COL22A1: variants seen among roughly 807,000 people sequenced by gnomAD.
The protein encoded by COL22A1 is collagen alpha-1(XXII) chain.
COL22A1 carries 221 observed loss-of-function variants against 248.9 expected under a neutral mutation model. That is an observed-to-expected ratio of 0.89 (90% confidence interval 0.80 to 0.99). The LOEUF (loss-of-function observed/expected upper bound fraction) is 0.99. COL22A1 is among the 50% of genes least tolerant of loss of function. The pLI is 0.00. For missense variants in COL22A1, 2,240 were observed against 2,179.0 expected (o/e 1.03, Z -0.56); for synonymous variants, 891 against 793.4 (o/e 1.12, Z -2.07).
intron 18 of COL22A1, among the ~76,000 whole-genome samples, chr8:138,758,407 G>A (rs1042839598): frequency 5.9e-5 from 9 of 152,236 alleles, no homozygotes; most frequent in South Asian, 2.1e-4. Context: ...ATTATACAGC[G>A]GTAGGTAACT....
intron 50 of COL22A1, among the ~76,000 whole-genome samples, chr8:138,627,894 T>C (rs1202099005): frequency 6.6e-6 from 1 of 152,124 alleles, no homozygotes; most frequent in Non-Finnish European, 1.5e-5. Flanking sequence ...TGGAAAAAAA[T>C]ACCCTTTTTA....
chr8:138,881,477 C>A (rs144310420), intron 2 of COL22A1, among the ~76,000 whole-genome samples: 20 of 152,056 alleles, frequency 1.3e-4, no homozygotes, highest in African/African-American at 2.9e-4. Context: ...CGAGGTGAGG[C>A]GATCGAGACC....
At chr8:138,859,747 C>T (rs775851659) in intron 3 of COL22A1, among the ~76,000 whole-genome samples, 2 of 152,174 alleles carry the variant, frequency 1.3e-5, no homozygotes, top group Non-Finnish European at 2.9e-5. Flanking sequence ...CTCTGAGGAT[C>T]TGCAGGCAAA....
intron 41 of COL22A1, among the ~76,000 whole-genome samples, chr8:138,674,402 A>T (rs1478100380): frequency 6.6e-6 from 1 of 152,042 alleles, no homozygotes; most frequent in African/African-American, 2.4e-5. Flanking sequence ...CACACTCCAT[A>T]CAGATTCCCA....
intron 3 of COL22A1, among the ~76,000 whole-genome samples, chr8:138,851,155 G>C (rs1821612248): frequency 6.6e-6 from 1 of 152,200 alleles, no homozygotes; most frequent in African/African-American, 2.4e-5. Flanking sequence ...TGGGGCTTTG[G>C]GAGCGGGGAC....
chr8:138,853,696 T>C lies in COL22A1; in HGVS notation c.659-9538A>G, dbSNP rs545962959. ...ACATTTGGGATTAAGGCGGTGCTAG[T>C]GTAAGAAAGAAAAGAAAAAGGAAAG... On this transcript the variant is annotated intron_variant, in intron 3 of 64. Coordinates refer to ENST00000303045, the MANE Select transcript of COL22A1 (RefSeq NM_152888.3). Among the ~76,000 whole-genome samples the C allele has an allele frequency of 7.2e-5, 11 of 152,130 alleles. No individual in the cohort carries two copies. The South Asian group carries it at 1.9e-3, about 26-fold the overall frequency.
At chr8:138,841,739 A>G (rs1157758261) in intron 4 of COL22A1, among the ~76,000 whole-genome samples, 1 of 152,196 alleles carries the variant, frequency 6.6e-6, no homozygotes, top group Admixed American at 6.5e-5. Flanking sequence ...AGATGCTACA[A>G]AACTCCAAAG....
rs189645101 is a variant in COL22A1 at position 138,831,814 on chromosome 8, T to C, written c.845+1225A>G. Among the ~76,000 whole-genome samples the C allele has an allele frequency of 1.4e-4, 21 of 152,164 alleles. No homozygotes were observed. In the East Asian group the frequency reaches 4.1e-3, roughly 29 times the overall value. On this transcript the variant is annotated intron_variant, in intron 5 of 64. Coordinates refer to ENST00000303045, the MANE Select transcript of COL22A1 (RefSeq NM_152888.3). ...GAATTAAATATTAATAGTTTAAAGA[T>C]GGAAGAGAGGTCGCATAACACAATA...
chr8:138,909,141 G>C (rs955994696), intron 1 of COL22A1, among the ~76,000 whole-genome samples: 2 of 152,196 alleles, frequency 1.3e-5, no homozygotes, highest in Non-Finnish European at 1.5e-5. Flanking sequence ...CGAAGCTTGT[G>C]GCTGTTTTAT....
rs149741596 is a variant in COL22A1, at chr8:138,778,402, G to T, written c.1709C>A (p.Pro570His). ...TCCGGGGAGTCCAGGTGGTCCTTGG[G>T]GCCCCTGCAGAAGAGCATTTACAGA... ...GLPGEVGMRG[P>H]QGPPGLPGPP... The change falls in exon 15 of 65, where the codon CCC (proline) becomes CAC (histidine). Residue 570 changes from proline (P) to histidine (H), a missense_variant. Pro to His is a moderately conservative substitution (Grantham distance 77, BLOSUM62 -2). Coordinates refer to ENST00000303045, the MANE Select transcript of COL22A1 (RefSeq NM_152888.3). 1 of 1,600,208 alleles carries T rather than the reference G, an allele frequency of 6.2e-7. No individual in the cohort carries two copies. The highest frequency in any genetic ancestry group is 2.2e-5 in the East Asian group (1 of 44,806).
rs148644110 is a variant in COL22A1, at chr8:138,684,121, G to T, written c.3012+304C>A. Among the ~76,000 whole-genome samples, 95 of 152,006 alleles carry T rather than the reference G, an allele frequency of 6.2e-4. 2 individuals carry two copies. The highest frequency in any genetic ancestry group is 4.0e-3 in the South Asian group (19 of 4,794). ...AAAAATATACAAAACAAAATTAGTC[G>T]GGCATGGTGGTGCATCCCTGTAGTC... On this transcript the variant is annotated intron_variant, in intron 39 of 64. Coordinates refer to ENST00000303045, the MANE Select transcript of COL22A1 (RefSeq NM_152888.3).
chr8:138,623,639 G>A lies in COL22A1; in HGVS notation c.3771+93C>T, dbSNP rs1820003460. 3.7e-6 allele frequency: 4 copies of A among 1,078,722 alleles called. No individual in the cohort carries two copies. The East Asian group carries it at 9.6e-5, about 26-fold the overall frequency. 66.8% of individuals were successfully genotyped at this position (1,078,722 alleles called of 1,614,324 possible). A position where few individuals can be genotyped will look rare whatever the true frequency, so the allele number is the denominator to read the frequency against. On this transcript the variant is annotated intron_variant, in intron 52 of 64. Transcript: ENST00000303045. ...ATGCATAGAAAATGCCTATCTTCGA[G>A]ACTGGTTCAAAATAGCTCCTCACAC...
intron 2 of COL22A1, among the ~76,000 whole-genome samples, chr8:138,879,590 G>A (rs1824014507): frequency 6.6e-6 from 1 of 150,744 alleles, no homozygotes; most frequent in Non-Finnish European, 1.5e-5. Flanking sequence ...TACTCAGGAG[G>A]CTGAGGCACA....
At chr8:138,846,664 T>C (rs1017761811) in intron 3 of COL22A1, among the ~76,000 whole-genome samples, 1 of 152,160 alleles carries the variant, frequency 6.6e-6, no homozygotes, top group Non-Finnish European at 1.5e-5. Flanking sequence ...GGAGGTAGGG[T>C]TAGCATCCAT....
At chr8:138,691,663 G>T (rs529716223) in intron 35 of COL22A1, among the ~76,000 whole-genome samples, 4 of 149,748 alleles carry the variant, frequency 2.7e-5, no homozygotes, top group African/African-American at 9.8e-5. Flanking sequence ...GCATGTTTGT[G>T]GGGGTGTGTA....
intron 11 of COL22A1, among the ~76,000 whole-genome samples, chr8:138,801,752 A>C (rs893418075): frequency 3.3e-5 from 5 of 152,172 alleles, no homozygotes; most frequent in Non-Finnish European, 5.9e-5. Flanking sequence ...GGTGGCACAC[A>C]CACAGTAATC....
At chr8:138,686,499 T>G (rs749541584) in intron 37 of COL22A1, among the ~76,000 whole-genome samples, 1 of 152,166 alleles carries the variant, frequency 6.6e-6, no homozygotes, top group African/African-American at 2.4e-5. Flanking sequence ...GGAGAGGGCC[T>G]CTCTCCAAGC....
At chr8:138,862,960 T>G (rs1246098002) in intron 3 of COL22A1, among the ~76,000 whole-genome samples, 1 of 152,064 alleles carries the variant, frequency 6.6e-6, no homozygotes, top group Non-Finnish European at 1.5e-5. Flanking sequence ...GATGCTGAAA[T>G]TAAACACACA....
intron 36 of COL22A1, 36 bp downstream of exon 36, chr8:138,690,785 G>C (rs751327729): frequency 1.9e-6 from 3 of 1,564,100 alleles, no homozygotes; most frequent in Non-Finnish European, 1.7e-6. Flanking sequence ...TAGCTTGGTG[G>C]CTGGGCCGTG....
Sources: gnomAD v4.1 joint callset for allele counts (sites outside exome capture counted in the v4.1 genomes callset) on GRCh38, gnomAD v4.1.1 for gene constraint, MANE v1.5 for transcripts, NCBI Gene and HGNC (gene_info 2026-07-23, HGNC 2026-07-21) for gene names.